Variants in FSTL4 observed in about 807,000 individuals in gnomAD.
FSTL4 encodes the protein follistatin like 4.
A neutral mutation model predicts 78.2 loss-of-function variants in FSTL4; 28 were observed. The ratio of observed to expected loss-of-function variants is 0.36; its 90% CI spans 0.27 to 0.49. The LOEUF (loss-of-function observed/expected upper bound fraction) is 0.49. FSTL4 is among the 20% of genes least tolerant of loss of function. The pLI is 0.98. For synonymous variants in FSTL4, 422 were observed against 440.5 expected, an observed-to-expected ratio of 0.96 and a Z score of 0.53; for missense variants, 922 against 1,084.9, an observed-to-expected ratio of 0.85 and a Z score of 2.11.
intron 7 of FSTL4, among the ~76,000 whole-genome samples, chr5:133,239,929 C>T (rs1389649875): frequency 6.6e-6 from 1 of 152,228 alleles, no homozygotes; most frequent in African/African-American, 2.4e-5. Context: ...ATGGACCAAT[C>T]AGCAGGATGT....
At chr5:133,223,882 C>T (rs959907271) in intron 11 of FSTL4, among the ~76,000 whole-genome samples, 2 of 152,196 alleles carry the variant, frequency 1.3e-5, no homozygotes, top group Non-Finnish European at 2.9e-5. Flanking sequence ...CTAAACCCAA[C>T]ACCAGTCAGC....
intron 3 of FSTL4, among the ~76,000 whole-genome samples, chr5:133,473,993 A>G (rs989965483): frequency 1.3e-5 from 2 of 152,144 alleles, no homozygotes; most frequent in South Asian, 2.1e-4. Context: ...ACAACTCAAG[A>G]TGAGATTTTG....
the FSTL4 span, among the ~76,000 whole-genome samples, chr5:133,747,339 T>C: frequency 6.6e-6 from 1 of 152,226 alleles, no homozygotes; most frequent in African/African-American, 2.4e-5. Context: ...GCTAAAGTAC[T>C]ACCCCAGCGA....
intron 4 of FSTL4, among the ~76,000 whole-genome samples, chr5:133,379,107 C>T (rs1755508465): frequency 6.6e-6 from 1 of 151,954 alleles, no homozygotes; most frequent in Admixed American, 6.6e-5. Flanking sequence ...AAGAGTTATA[C>T]TAATATCAGA....
chr5:133,244,617 T>C (rs183508352), intron 7 of FSTL4: 1 of 152,562 alleles, frequency 6.6e-6, no homozygotes, highest in East Asian at 1.9e-4. Context: ...GGCTGCAGCA[T>C]GTGCCCTGGG....
chr5:133,379,814 T>A (rs879157375), intron 4 of FSTL4, among the ~76,000 whole-genome samples: 1 of 152,212 alleles, frequency 6.6e-6, no homozygotes, highest in African/African-American at 2.4e-5. Context: ...CAGTGGCTCA[T>A]GCCTGTAATC....
In FSTL4 at chr5:133,220,728, C is replaced by G. The variant is rs1374797962; in HGVS notation, c.1458+20G>C. On this transcript the variant is annotated intron_variant, in intron 12 of 15. Coordinates refer to ENST00000265342, the MANE Select transcript of FSTL4 (RefSeq NM_015082.2). ...TTGCCTGTGTATGATGTAGAAGCTG[C>G]CCCAGGCACAGTTACTTACATAGCT... 2.5e-6 allele frequency: 3 copies of G among 1,221,430 alleles called. No individual in the cohort carries two copies. The highest frequency in any genetic ancestry group is 1.2e-6 in the Non-Finnish European group (1 of 821,064). The allele number at this position is 1,221,430 out of a possible 1,614,324, so 75.7% of individuals were successfully genotyped here.
At chr5:133,794,541 C>T in the FSTL4 span, among the ~76,000 whole-genome samples, 1 of 152,224 alleles carries the variant, frequency 6.6e-6, no homozygotes. Context: ...AAAATGGCCA[C>T]TGGATCCAAT....
At chr5:133,545,091 A>G (rs1759548270) in intron 3 of FSTL4, among the ~76,000 whole-genome samples, 1 of 152,174 alleles carries the variant, frequency 6.6e-6, no homozygotes, top group East Asian at 1.9e-4. Context: ...AGTTTACATT[A>G]AGAGATGAGA....
At chr5:133,219,521 T>TA (rs1751024712) in intron 12 of FSTL4, among the ~76,000 whole-genome samples, 1 of 152,210 alleles carries the variant, frequency 6.6e-6, no homozygotes, top group Non-Finnish European at 1.5e-5. Flanking sequence ...AGTAGACATC[T>TA]AAGCCAGCAG....
the FSTL4 span, among the ~76,000 whole-genome samples, chr5:133,782,253 C>T: frequency 6.6e-6 from 1 of 152,262 alleles, no homozygotes; most frequent in African/African-American, 2.4e-5. Flanking sequence ...TCGGCAAAGA[C>T]ATATTTTATA....
intron 3 of FSTL4, among the ~76,000 whole-genome samples, chr5:133,505,345 T>A (rs1758592077): frequency 6.6e-6 from 1 of 152,230 alleles, no homozygotes; most frequent in Non-Finnish European, 1.5e-5. Context: ...AGGAGGTTCC[T>A]GTCCTTCTCC....
At chr5:133,279,072 C>T (rs1339193861) in intron 6 of FSTL4, among the ~76,000 whole-genome samples, 8 of 152,208 alleles carry the variant, frequency 5.3e-5, no homozygotes, top group African/African-American at 1.7e-4. Flanking sequence ...GCTGGGGGTT[C>T]GTGCAAAAGA....
At chr5:133,545,999 G>A (rs771105720) in intron 3 of FSTL4, among the ~76,000 whole-genome samples, 6 of 152,190 alleles carry the variant, frequency 3.9e-5, no homozygotes, top group Non-Finnish European at 8.8e-5. Context: ...CATGCCCTAG[G>A]GCTCTATGGA....
chr5:133,495,255 G>A (rs1758346125), intron 3 of FSTL4, among the ~76,000 whole-genome samples: 1 of 152,148 alleles, frequency 6.6e-6, no homozygotes, highest in South Asian at 2.1e-4. Context: ...AGGGCTGGGT[G>A]GATAAGTGGG....
chr5:133,665,149 C>G, the FSTL4 span, among the ~76,000 whole-genome samples: 1 of 152,146 alleles, frequency 6.6e-6, no homozygotes, highest in African/African-American at 2.4e-5. Context: ...ACTAAGACCC[C>G]CAAAAGTATG....
the FSTL4 span, among the ~76,000 whole-genome samples, chr5:133,827,995 G>A: frequency 6.6e-6 from 1 of 152,128 alleles, no homozygotes; most frequent in Admixed American, 6.5e-5. Flanking sequence ...CAAAGCCATC[G>A]AGGGAAGCCA....
At chr5:133,721,904 A>G in the FSTL4 span, among the ~76,000 whole-genome samples, 1 of 152,186 alleles carries the variant, frequency 6.6e-6, no homozygotes, top group African/African-American at 2.4e-5. Context: ...TGTAACTCCC[A>G]TAATGCAAAT....
Position 133,259,513 on chromosome 5 carries a change from T to C in FSTL4, c.728-9937A>G, listed in dbSNP as rs563779946. ...GATGAAAAGTGATCAGAAGGATTTTTTTTTCTTTTTTTTTTTTTTTTTTGA... is the reference window on the plus strand; with the variant it reads ...GATGAAAAGTGATCAGAAGGATTTTCTTTTCTTTTTTTTTTTTTTTTTTGA... On this transcript the variant is annotated intron_variant, in intron 6 of 15. Coordinates refer to ENST00000265342, the MANE Select transcript of FSTL4 (RefSeq NM_015082.2). Among the ~76,000 whole-genome samples, 543 of 118,018 alleles carry C rather than the reference T, an allele frequency of 4.6e-3. 3 individuals carry two copies. Among genetic ancestry groups the C allele is most frequent in the African/African-American group, 0.019 (502 of 26,974 alleles). 77.4% of individuals were successfully genotyped at this position (118,018 alleles called of 152,430 possible).
Sources: gnomAD v4.1 joint callset for allele counts (sites outside exome capture counted in the v4.1 genomes callset) on GRCh38, gnomAD v4.1.1 for gene constraint, MANE v1.5 for transcripts, NCBI Gene and HGNC (gene_info 2026-07-23, HGNC 2026-07-21) for gene names.